Variants in MACROD1 observed in about 807,000 individuals in gnomAD.
The protein encoded by MACROD1 is ADP-ribose glycohydrolase MACROD1.
In MACROD1, 31 loss-of-function variants were observed where a neutral mutation model predicts 41.4. The ratio of observed to expected loss-of-function variants is 0.75; its 90% CI spans 0.56 to 1.01. The LOEUF (loss-of-function observed/expected upper bound fraction) is 1.01. MACROD1 is among the 50% of genes least tolerant of loss of function. The pLI is 0.00. For missense variants in MACROD1, 473 were observed against 460.0 expected, an observed-to-expected ratio of 1.03 and a Z score of -0.26; for synonymous variants, 252 against 203.4, an observed-to-expected ratio of 1.24 and a Z score of -2.03.
intron 3 of MACROD1, chr11:64,118,658 G>A (rs577833595): frequency 1.2e-3 from 237 of 195,662 alleles, no homozygotes; most frequent in African/African-American, 5.3e-3. Context: ...GACACCTCAT[G>A]CTCTGTTCAA....
chr11:64,007,355 C>G (rs758208745), intron 4 of MACROD1, among the ~76,000 whole-genome samples: 8 of 152,232 alleles, frequency 5.3e-5, no homozygotes, highest in South Asian at 4.2e-4. Flanking sequence ...GGATGGGCGC[C>G]GTTCAGAGGA....
At chr11:64,022,608 C>T (rs1943172814) in intron 3 of MACROD1, among the ~76,000 whole-genome samples, 1 of 151,924 alleles carries the variant, frequency 6.6e-6, no homozygotes, top group Non-Finnish European at 1.5e-5. Context: ...GATGGAATAA[C>T]ATGTGAAATG....
At chr11:64,017,516 C>T (rs570631270) in intron 3 of MACROD1, among the ~76,000 whole-genome samples, 2 of 152,200 alleles carry the variant, frequency 1.3e-5, no homozygotes, top group African/African-American at 2.4e-5. Context: ...GTCTGAGGGT[C>T]GGTCAGAGGG....
chr11:64,105,063 G>A (rs1343655998), intron 3 of MACROD1, among the ~76,000 whole-genome samples: 3 of 152,264 alleles, frequency 2.0e-5, no homozygotes, highest in Non-Finnish European at 2.9e-5. Context: ...TCGTCAGCAC[G>A]GCGCAGCATG....
At chr11:64,032,119 C>A (rs1026717737) in intron 3 of MACROD1, among the ~76,000 whole-genome samples, 1 of 152,288 alleles carries the variant, frequency 6.6e-6, no homozygotes, top group Middle Eastern at 3.4e-3. Context: ...ACCCCACCCC[C>A]CAGTGAGGAA....
chr11:64,039,074 G>C (rs1048141056), intron 3 of MACROD1, among the ~76,000 whole-genome samples: 2 of 152,206 alleles, frequency 1.3e-5, no homozygotes, highest in African/African-American at 4.8e-5. Context: ...GGAGGACTGA[G>C]GTGGCCCTCA....
chr11:64,073,982 G>A (rs1944156067), intron 3 of MACROD1, among the ~76,000 whole-genome samples: 1 of 152,166 alleles, frequency 6.6e-6, no homozygotes, highest in African/African-American at 2.4e-5. Flanking sequence ...GGAGGCCCAG[G>A]CACAAGGCAG....
intron 2 of MACROD1, 30 bp from the exon 3 acceptor site, chr11:64,151,385 A>T: frequency 6.4e-7 from 1 of 1,566,468 alleles, no homozygotes; most frequent in Non-Finnish European, 8.8e-7. Context: ...GGGAGGTCAC[A>T]GCGAGGCTGC....
In MACROD1 at chr11:64,005,092, T is replaced by C. The variant is rs886633521; in HGVS notation, c.548-4749A>G. 2.1e-4 allele frequency among the ~76,000 whole-genome samples: 32 copies of C among 152,134 alleles called. 1 individual carries two copies. In the South Asian group the frequency reaches 5.4e-3, roughly 26 times the overall value. On this transcript the variant is annotated intron_variant, in intron 4 of 10. Transcript: ENST00000255681. The stretch of plus-strand genomic sequence containing the variant: ...TTGCCCAGGCTGGAGTGCAATGGCA[T>C]GATCTCAGCTCACTGCAACCTCCGC...
chr11:64,042,254 T>C (rs1943502070), intron 3 of MACROD1, among the ~76,000 whole-genome samples: 1 of 151,980 alleles, frequency 6.6e-6, no homozygotes, highest in Admixed American at 6.5e-5. Context: ...TGAGCCAGGC[T>C]CTGAGGTGAA....
chr11:64,104,630 C>T (rs1480159072), intron 3 of MACROD1, among the ~76,000 whole-genome samples: 3 of 152,046 alleles, frequency 2.0e-5, no homozygotes, highest in Non-Finnish European at 4.4e-5. Context: ...AGGGAGTCCA[C>T]AAGTCTATAT....
intron 3 of MACROD1, among the ~76,000 whole-genome samples, chr11:64,078,502 C>T (rs1306027668): frequency 3.9e-5 from 6 of 152,222 alleles, no homozygotes; most frequent in Admixed American, 2.0e-4. Context: ...ACCCCGGCCT[C>T]CCCTTGCAGC....
intron 3 of MACROD1, among the ~76,000 whole-genome samples, chr11:64,141,202 G>A (rs1429652019): frequency 1.3e-5 from 2 of 152,170 alleles, no homozygotes; most frequent in African/African-American, 2.4e-5. Context: ...GTGAGGAGAC[G>A]GGGCCTGGGT....
At chr11:64,076,554 A>C (rs1270430165) in intron 3 of MACROD1, among the ~76,000 whole-genome samples, 1 of 152,124 alleles carries the variant, frequency 6.6e-6, no homozygotes, top group East Asian at 1.9e-4. Context: ...TTGCTTCTCT[A>C]AGTTCTCGGC....
chr11:64,108,185 T>C (rs1329007454), intron 3 of MACROD1, among the ~76,000 whole-genome samples: 1 of 151,962 alleles, frequency 6.6e-6, no homozygotes, highest in East Asian at 1.9e-4. Context: ...TGGTGGTGCA[T>C]GCCTGTAATC....
At chr11:64,062,431 C>A (rs1432043726) in intron 3 of MACROD1, among the ~76,000 whole-genome samples, 2 of 152,202 alleles carry the variant, frequency 1.3e-5, no homozygotes, top group Admixed American at 6.5e-5. Flanking sequence ...CTGGAACCAA[C>A]TGGGCATAGG....
chr11:64,116,618 C>T, intron 3 of MACROD1: 1 of 1,614,180 alleles, frequency 6.2e-7, no homozygotes, highest in African/African-American at 1.3e-5. Flanking sequence ...ACGAGAATGA[C>T]CTGGATGAGT....
intron 3 of MACROD1, among the ~76,000 whole-genome samples, chr11:64,015,928 T>G (rs1382296115): frequency 6.6e-6 from 1 of 152,160 alleles, no homozygotes; most frequent in Non-Finnish European, 1.5e-5. Flanking sequence ...GCGGGGTGAC[T>G]GGGGCCATGT....
intron 3 of MACROD1, among the ~76,000 whole-genome samples, chr11:64,046,552 G>C (rs909880017): frequency 6.6e-6 from 1 of 152,156 alleles, no homozygotes; most frequent in Non-Finnish European, 1.5e-5. Flanking sequence ...TGATTGGCCC[G>C]TTCTTTTTTT....
Sources: allele counts gnomAD v4.1 joint callset (sites outside exome capture counted in the v4.1 genomes callset), GRCh38; gene constraint gnomAD v4.1.1; transcripts MANE v1.5; gene names NCBI Gene and HGNC (gene_info 2026-07-23, HGNC 2026-07-21).